Variants in EYA4 observed in about 807,000 individuals in gnomAD.
EYA4 encodes EYA transcriptional coactivator and phosphatase 4.
EYA4 carries 31 observed loss-of-function variants against 87.9 expected under a neutral mutation model. The ratio of observed to expected loss-of-function variants is 0.35; its 90% CI spans 0.27 to 0.48. EYA4 has a LOEUF of 0.48. Among genes scored for constraint, EYA4 ranks in the 20% least tolerant of loss-of-function variants. EYA4 has a pLI of 0.99. For synonymous variants in EYA4, 263 were observed against 270.6 expected, an observed-to-expected ratio of 0.97 and a Z score of 0.28; for missense variants, 678 against 761.4, an observed-to-expected ratio of 0.89 and a Z score of 1.29.
intron 11 of EYA4, among the ~76,000 whole-genome samples, chr6:133,476,711 A>T (rs570600962): frequency 6.6e-6 from 1 of 152,152 alleles, no homozygotes; most frequent in African/African-American, 2.4e-5. Flanking sequence ...TGCAATGAAC[A>T]TGGAAGTGCA....
intron 2 of EYA4, among the ~76,000 whole-genome samples, chr6:133,298,349 G>T (rs928413837): frequency 6.6e-6 from 1 of 152,142 alleles, no homozygotes; most frequent in African/African-American, 2.4e-5. Flanking sequence ...TTGATGAGAA[G>T]CGACATTCAG....
chr6:133,321,976 C>T (rs1257522189), intron 2 of EYA4, among the ~76,000 whole-genome samples: 4 of 152,126 alleles, frequency 2.6e-5, no homozygotes, highest in African/African-American at 9.7e-5. Context: ...AAGATGTTTG[C>T]CATATTTAAA....
At chr6:133,481,335 TATAA>T in intron 11 of EYA4, 124 bp from the exon 12 acceptor site, 2 of 886,754 alleles carry the variant, frequency 2.3e-6, no homozygotes, top group Non-Finnish European at 1.8e-6. Flanking sequence ...TGCTTGGGAT[TATAA>T]ATCTCTTTTT....
rs76280458 is a variant in EYA4 at position 133,255,686 on chromosome 6, G to C, written c.-66+13937G>C. Reference sequence around the variant, plus strand: ...CATTTTACATTTTTAACTCCAATAGGATCATTGATTTCCTTAAAACTTGCT... The same window carrying C: ...CATTTTACATTTTTAACTCCAATAGCATCATTGATTTCCTTAAAACTTGCT... On this transcript the variant is annotated intron_variant, in intron 1 of 19. Transcript: ENST00000355286. Among the ~76,000 whole-genome samples the C allele has an allele frequency of 2.9e-3, 442 of 151,908 alleles. 3 individuals carry two copies. The highest frequency in any genetic ancestry group is 0.01 in the African/African-American group (419 of 41,444).
intron 2 of EYA4, among the ~76,000 whole-genome samples, chr6:133,316,326 C>T (rs1433628107): frequency 2.0e-5 from 3 of 152,022 alleles, no homozygotes; most frequent in Admixed American, 1.3e-4. Flanking sequence ...ATCCTCCCAC[C>T]GTGCATAATT....
chr6:133,448,275 C>T (rs1793062903), intron 5 of EYA4, 96 bp downstream of exon 5: 1 of 920,576 alleles, frequency 1.1e-6, no homozygotes, highest in African/African-American at 1.6e-5. Flanking sequence ...CATCTCTTTT[C>T]TGTGTTCAGT....
intron 5 of EYA4, among the ~76,000 whole-genome samples, chr6:133,451,587 C>T (rs568022219): frequency 6.6e-6 from 1 of 152,202 alleles, no homozygotes; most frequent in African/African-American, 2.4e-5. Flanking sequence ...TATTATATGC[C>T]AAGTTCTATG....
intron 2 of EYA4, among the ~76,000 whole-genome samples, chr6:133,329,501 T>A (rs568298135): frequency 2.6e-5 from 4 of 152,256 alleles, no homozygotes; most frequent in Admixed American, 2.6e-4. Flanking sequence ...TTTGATACCA[T>A]GAGTGTTTAC....
intron 3 of EYA4, among the ~76,000 whole-genome samples, chr6:133,411,059 C>T (rs1197723398): frequency 6.9e-6 from 1 of 144,202 alleles, no homozygotes; most frequent in Non-Finnish European, 1.5e-5. Flanking sequence ...TGTGCTTGAA[C>T]TGTTTACTTA....
At position 133,528,860 on chromosome 6, in the gene EYA4, AT is replaced by A; in HGVS notation, c.*56del. On this transcript the variant is annotated 3_prime_UTR_variant, in exon 20 of 20. Transcript: ENST00000355286. ...TATATTTCAAGTACACTGAATTTTT[AT>A]GTGTGATTCAATGCCTCTGGCTCTA... The A allele has an allele frequency of 1.2e-6, 2 of 1,610,682 alleles. No homozygotes were observed. The highest frequency in any genetic ancestry group is 2.2e-5 in the South Asian group (2 of 90,906).
chr6:133,360,285 GTAGGC>G (rs1784359668), intron 2 of EYA4: 1 of 152,314 alleles, frequency 6.6e-6, no homozygotes. Context: ...TTACGGCTTA[GTAGGC>G]TAGGAGTCAG....
chr6:133,464,479 T>A (rs2128664227), intron 9 of EYA4, among the ~76,000 whole-genome samples: 1 of 152,230 alleles, frequency 6.6e-6, no homozygotes. Flanking sequence ...TGTGTAAGAT[T>A]TTATCCTTTG....
intron 3 of EYA4, among the ~76,000 whole-genome samples, chr6:133,400,659 A>G (rs551566139): frequency 3.3e-5 from 5 of 152,298 alleles, no homozygotes; most frequent in Non-Finnish European, 5.9e-5. Context: ...ATCCCAGTCA[A>G]TTAAAGGATA....
At chr6:133,291,496 T>A (rs1254606651) in intron 2 of EYA4, among the ~76,000 whole-genome samples, 3 of 152,226 alleles carry the variant, frequency 2.0e-5, no homozygotes, top group African/African-American at 7.2e-5. Flanking sequence ...TGATTTTATA[T>A]ATTGCTTAAC....
chr6:133,430,720 A>G (rs1791107927), intron 3 of EYA4, among the ~76,000 whole-genome samples: 1 of 152,228 alleles, frequency 6.6e-6, no homozygotes, highest in Non-Finnish European at 1.5e-5. Context: ...AGGTAGGTTA[A>G]TTGAAGTTAC....
chr6:133,499,849 A>C (rs1797955539), intron 13 of EYA4, among the ~76,000 whole-genome samples: 1 of 151,938 alleles, frequency 6.6e-6, no homozygotes, highest in Admixed American at 6.6e-5. Flanking sequence ...CTCAGTGATC[A>C]CGCTGGCTCA....
At chr6:133,311,634 A>G (rs534511596) in intron 2 of EYA4, among the ~76,000 whole-genome samples, 33 of 151,942 alleles carry the variant, frequency 2.2e-4, no homozygotes, top group African/African-American at 7.3e-4. Flanking sequence ...TTTAGATTAG[A>G]TAACATCTAC....
At chr6:133,323,591 T>TG (rs1781266034) in intron 2 of EYA4, among the ~76,000 whole-genome samples, 3 of 147,762 alleles carry the variant, frequency 2.0e-5, no homozygotes, top group Admixed American at 1.4e-4. Flanking sequence ...TCAGCAAAAA[T>TG]GTTTAGTTTT....
chr6:133,265,160 G>A (rs1293863641), intron 1 of EYA4, among the ~76,000 whole-genome samples: 1 of 152,052 alleles, frequency 6.6e-6, no homozygotes, highest in East Asian at 1.9e-4. Context: ...TTTGTAGCTC[G>A]CTTCTAGCAG....
Sources: allele counts gnomAD v4.1 joint callset (sites outside exome capture counted in the v4.1 genomes callset), GRCh38; gene constraint gnomAD v4.1.1; transcripts MANE v1.5; gene names NCBI Gene and HGNC (gene_info 2026-07-23, HGNC 2026-07-21).